GALNT10: variants seen among roughly 807,000 people sequenced by gnomAD.
GALNT10 encodes the protein polypeptide N-acetylgalactosaminyltransferase 10, also known as GalNAc transferase 10.
A neutral mutation model predicts 75.0 loss-of-function variants in GALNT10; 41 were observed. The ratio of observed to expected loss-of-function variants is 0.55; its 90% CI spans 0.43 to 0.71. The LOEUF is 0.71. GALNT10 is among the 30% of genes least tolerant of loss of function. GALNT10 has a pLI of 0.00. For missense variants in GALNT10, 727 were observed against 818.5 expected (o/e 0.89, Z 1.36); for synonymous variants, 302 against 313.0 (o/e 0.96, Z 0.37).
chr5:154,314,139 A>G (rs1754565206), intron 3 of GALNT10, among the ~76,000 whole-genome samples: 1 of 152,200 alleles, frequency 6.6e-6, no homozygotes, highest in African/African-American at 2.4e-5. Context: ...GTGCATTCAC[A>G]TATGGCACCT....
At chr5:154,307,225 A>C (rs1241525585) in intron 3 of GALNT10, among the ~76,000 whole-genome samples, 1 of 152,252 alleles carries the variant, frequency 6.6e-6, no homozygotes, top group Non-Finnish European at 1.5e-5. Flanking sequence ...TCCTATATCT[A>C]TTGAAGAGAT....
intron 1 of GALNT10, among the ~76,000 whole-genome samples, chr5:154,253,907 A>G (rs893298740): frequency 5.9e-5 from 9 of 152,028 alleles, no homozygotes; most frequent in Admixed American, 3.9e-4. Flanking sequence ...GCCCTAGAAG[A>G]TCAGCTTTAA....
intron 4 of GALNT10, among the ~76,000 whole-genome samples, chr5:154,363,930 TGTTAA>T (rs534388157): frequency 7.0e-4 from 107 of 152,220 alleles, no homozygotes; most frequent in African/African-American, 2.5e-3. Context: ...AAGCAAAATA[TGTTAA>T]GTTATGATCG....
chr5:154,304,877 T>G (rs938349247), intron 3 of GALNT10, among the ~76,000 whole-genome samples: 4 of 152,144 alleles, frequency 2.6e-5, no homozygotes, highest in Non-Finnish European at 5.9e-5. Flanking sequence ...AAACATACTA[T>G]AAACCCTAAA....
intron 4 of GALNT10, chr5:154,337,420 C>T (rs1404900743): frequency 4.8e-6 from 3 of 630,214 alleles, no homozygotes; most frequent in South Asian, 1.5e-5. Context: ...TTCCCCGTCA[C>T]TTCTCTGGCT....
chr5:154,328,135 C>T (rs774735425), intron 3 of GALNT10, among the ~76,000 whole-genome samples: 4 of 151,770 alleles, frequency 2.6e-5, no homozygotes, highest in Non-Finnish European at 5.9e-5. Context: ...TTAGGAGACG[C>T]ATGAGCTGTA....
At chr5:154,228,629 A>G (rs1421546506) in intron 1 of GALNT10, among the ~76,000 whole-genome samples, 2 of 152,290 alleles carry the variant, frequency 1.3e-5, no homozygotes, top group African/African-American at 4.8e-5. Flanking sequence ...TTCCCATCCC[A>G]TTTACTCTTT....
chr5:154,230,483 C>T (rs1227842003), intron 1 of GALNT10, among the ~76,000 whole-genome samples: 1 of 152,176 alleles, frequency 6.6e-6, no homozygotes, highest in African/African-American at 2.4e-5. Context: ...GGGGACACTG[C>T]CCCTTGGTAT....
intron 7 of GALNT10, among the ~76,000 whole-genome samples, chr5:154,391,967 C>T (rs1313313155): frequency 6.6e-6 from 1 of 152,192 alleles, no homozygotes; most frequent in African/African-American, 2.4e-5. Context: ...AATTGGTCAC[C>T]TGCAGTCACA....
chr5:154,276,738 CTT>C (rs1044031871), intron 1 of GALNT10, among the ~76,000 whole-genome samples: 13 of 152,148 alleles, frequency 8.5e-5, no homozygotes, highest in African/African-American at 3.1e-4. Flanking sequence ...TAGTTTAAGA[CTT>C]TAAGTGGTAA....
chr5:154,369,407 C>T (rs1755529816), intron 4 of GALNT10, among the ~76,000 whole-genome samples: 1 of 151,942 alleles, frequency 6.6e-6, no homozygotes, highest in African/African-American at 2.4e-5. Context: ...CAAAAAAAAC[C>T]CCAAAAAGAA....
At chr5:154,307,920 A>C (rs767343699) in intron 3 of GALNT10, among the ~76,000 whole-genome samples, 9 of 150,936 alleles carry the variant, frequency 6.0e-5, no homozygotes, top group Non-Finnish European at 1.0e-4. Flanking sequence ...AATAATAACA[A>C]TAAAGTATGA....
At chr5:154,359,258 T>A (rs1755345048) in intron 4 of GALNT10, among the ~76,000 whole-genome samples, 1 of 152,164 alleles carries the variant, frequency 6.6e-6, no homozygotes. Context: ...CCCTGAAATC[T>A]TGGGCTGTGT....
At chr5:154,336,331 G>T (rs767882232) in intron 4 of GALNT10, among the ~76,000 whole-genome samples, 2 of 152,172 alleles carry the variant, frequency 1.3e-5, no homozygotes, top group Non-Finnish European at 2.9e-5. Context: ...TAAATTTTCA[G>T]CTCACTTAGG....
intron 6 of GALNT10, among the ~76,000 whole-genome samples, chr5:154,382,153 C>G (rs902598699): frequency 1.2e-4 from 19 of 152,186 alleles, no homozygotes; most frequent in African/African-American, 4.6e-4. Flanking sequence ...TGGTGCATAC[C>G]CAGGGCTCCT....
chr5:154,215,925 G>GT, intron 1 of GALNT10, among the ~76,000 whole-genome samples: 1 of 152,292 alleles, frequency 6.6e-6, no homozygotes, highest in South Asian at 2.1e-4. Context: ...TTAGCTGGTG[G>GT]TTTATCTAGC....
Position 154,416,285 on chromosome 5 carries a change from C to A in GALNT10, c.1653+353C>A, listed in dbSNP as rs1756507024. On this transcript the variant is annotated intron_variant, in intron 11 of 11. Coordinates refer to ENST00000297107, the MANE Select transcript of GALNT10 (RefSeq NM_198321.4). The surrounding 1 kb of genome is among the most constrained non-coding windows in gnomAD (Gnocchi z 4.5). ...TGAAACCCCGTCTCTATACAAAAAT[C>A]AGCCAGACATGGTGGCTCATGCCTG... Among the ~76,000 whole-genome samples the A allele has an allele frequency of 6.6e-6, 1 of 151,908 alleles. No individual in the cohort carries two copies. The highest frequency in any genetic ancestry group is 2.4e-5 in the African/African-American group (1 of 41,338).
chr5:154,355,399 C>T (rs575994094), intron 4 of GALNT10, among the ~76,000 whole-genome samples: 5 of 152,364 alleles, frequency 3.3e-5, no homozygotes, highest in Admixed American at 6.5e-5. Flanking sequence ...TGGCCCAGCC[C>T]TCTCTTCCCT....
chr5:154,291,657 G>A (rs1754196556), intron 1 of GALNT10, among the ~76,000 whole-genome samples: 1 of 152,162 alleles, frequency 6.6e-6, no homozygotes, highest in Non-Finnish European at 1.5e-5. Context: ...CAATCATTCA[G>A]TAACATCTAC....
Sources: gnomAD v4.1 joint callset for allele counts (sites outside exome capture counted in the v4.1 genomes callset) on GRCh38, gnomAD v4.1.1 for gene constraint, Gnocchi (gnomAD v3.1) non-coding constraint, MANE v1.5 for transcripts, NCBI Gene and HGNC (gene_info 2026-07-23, HGNC 2026-07-21) for gene names.